Variants in CUL2 observed in about 807,000 individuals in gnomAD.
CUL2 encodes the protein cullin 2.
Under a neutral mutation model 110.2 loss-of-function variants are expected in CUL2, and 22 were observed. That is an observed-to-expected ratio of 0.20 (90% CI 0.14 to 0.28). The LOEUF (loss-of-function observed/expected upper bound fraction) is 0.28, where lower values mean the gene tolerates loss of function less well. CUL2 is among the 10% of genes least tolerant of loss of function. The probability of loss-of-function intolerance (pLI) is 1.00; values close to 1 mark genes in which losing one functional copy is unlikely to be tolerated. For synonymous variants in CUL2, 279 were observed against 293.2 expected, an observed-to-expected ratio of 0.95 and a Z score of 0.49; for missense variants, 631 against 905.5, an observed-to-expected ratio of 0.70 and a Z score of 3.89.
intron 1 of CUL2, among the ~76,000 whole-genome samples, chr10:35,087,627 T>C (rs1046322274): frequency 1.3e-5 from 2 of 152,136 alleles, no homozygotes; most frequent in Non-Finnish European, 2.9e-5. Context: ...GTACACAGCA[T>C]CATCATCCTC....
rs201471344 is a variant in CUL2 at position 35,055,569 on chromosome 10, AAATAAT to A, written c.318-1036_318-1031del. On this transcript the variant is annotated intron_variant, in intron 4 of 20. Coordinates refer to ENST00000374749, the MANE Select transcript of CUL2 (RefSeq NM_003591.4). The stretch of plus-strand genomic sequence containing the variant: ...GTAACAGCGAGACTGTCTCTTAAGG[AAATAAT>A]AATAATAACTCCTAGAAAATTGACT... Among the ~76,000 whole-genome samples the A allele has an allele frequency of 5.0e-4, 76 of 152,240 alleles. No homozygotes were observed. The East Asian group carries it at 0.013, about 26-fold the overall frequency.
At chr10:35,107,609 G>A (rs1301688380) in intron 1 of CUL2, among the ~76,000 whole-genome samples, 1 of 151,730 alleles carries the variant, frequency 6.6e-6, no homozygotes, top group Non-Finnish European at 1.5e-5. Flanking sequence ...TGGGCCTGGC[G>A]CGGTGGCTCA....
chr10:35,120,657 G>C (rs756976043), intron 1 of CUL2, among the ~76,000 whole-genome samples: 60 of 152,272 alleles, frequency 3.9e-4, no homozygotes, highest in Non-Finnish European at 6.6e-4. Flanking sequence ...AGCAATTTGA[G>C]AGGCCAAGGC....
chr10:35,039,012 A>G lies in CUL2; in HGVS notation c.785T>C (p.Val262Ala). The G allele has an allele frequency of 6.2e-7, 1 of 1,608,520 alleles. No individual in the cohort carries two copies. Among genetic ancestry groups the G allele is most frequent in the Non-Finnish European group, 8.5e-7 (1 of 1,176,050 alleles). ...CATTCGTTGTTGACATTCATGAATC[A>G]CCTTAGTATATGAACTTGGATGTAG... ...KYLHPSSYTK[V>A]IHECQQRMVA... The change falls in exon 9 of 21, where the codon GTG becomes GCG. Residue 262 changes from valine to alanine, a missense_variant. Coordinates refer to ENST00000374749, the MANE Select transcript of CUL2 (RefSeq NM_003591.4).
At chr10:35,044,013 T>G (rs1395490352) in intron 8 of CUL2, among the ~76,000 whole-genome samples, 1 of 132,592 alleles carries the variant, frequency 7.5e-6, no homozygotes, top group Non-Finnish European at 1.5e-5. Flanking sequence ...ATCAAGCCAC[T>G]GCACTCTAGT....
At chr10:35,068,426 A>T (rs1277808178) in intron 2 of CUL2, among the ~76,000 whole-genome samples, 2 of 151,396 alleles carry the variant, frequency 1.3e-5, no homozygotes, top group East Asian at 3.9e-4. Context: ...TATGTCTAAT[A>T]AAAAAAAAGA....
intron 2 of CUL2, among the ~76,000 whole-genome samples, chr10:35,097,577 T>C (rs2087317145): frequency 6.6e-6 from 1 of 151,766 alleles, no homozygotes; most frequent in African/African-American, 2.4e-5. Flanking sequence ...ATTAACAATG[T>C]ACCCTTGGCA....
chr10:35,069,720 T>C (rs965016788), intron 2 of CUL2, among the ~76,000 whole-genome samples: 7 of 152,090 alleles, frequency 4.6e-5, no homozygotes, highest in Non-Finnish European at 8.8e-5. Context: ...GAAGAACACA[T>C]TTTAATTATT....
At chr10:35,081,344 T>A (rs1461767200) in intron 1 of CUL2, among the ~76,000 whole-genome samples, 1 of 152,214 alleles carries the variant, frequency 6.6e-6, no homozygotes, top group Non-Finnish European at 1.5e-5. Context: ...TTTCTTAAGT[T>A]TTCACATCGC....
intron 1 of CUL2, among the ~76,000 whole-genome samples, chr10:35,072,634 C>T (rs1330714450): frequency 6.6e-6 from 1 of 152,212 alleles, no homozygotes; most frequent in Non-Finnish European, 1.5e-5. Flanking sequence ...TCCCAAAGTG[C>T]AGGGATTACA....
intron 6 of CUL2, among the ~76,000 whole-genome samples, chr10:35,046,574 A>G (rs955595663): frequency 2.6e-5 from 4 of 152,206 alleles, no homozygotes; most frequent in Non-Finnish European, 5.9e-5. Flanking sequence ...TAAGGATGAC[A>G]GCAAACCAAC....
At chr10:35,112,987 A>G (rs556953698) in intron 1 of CUL2, among the ~76,000 whole-genome samples, 33 of 151,862 alleles carry the variant, frequency 2.2e-4, no homozygotes, top group African/African-American at 8.0e-4. Flanking sequence ...AGGTCAGGAG[A>G]TGGAGACCAT....
At chr10:35,014,284 G>C (rs889101061) in intron 18 of CUL2, among the ~76,000 whole-genome samples, 2 of 152,134 alleles carry the variant, frequency 1.3e-5, no homozygotes, top group Admixed American at 6.5e-5. Flanking sequence ...GCATCAATTT[G>C]CTGTGACCTG....
intron 12 of CUL2, 127 bp downstream of exon 12, chr10:35,032,308 A>G (rs1335574111): frequency 1.2e-5 from 9 of 747,236 alleles, no homozygotes; most frequent in Non-Finnish European, 2.0e-5. Flanking sequence ...ACTATATACA[A>G]TGTAGATAAT....
intron 14 of CUL2, among the ~76,000 whole-genome samples, chr10:35,029,980 T>C (rs1257792070): frequency 6.6e-6 from 1 of 152,214 alleles, no homozygotes; most frequent in East Asian, 1.9e-4. Flanking sequence ...GGATTTTATG[T>C]TGTGTTTTGT....
chr10:35,103,055 T>C (rs2087405028), intron 1 of CUL2, among the ~76,000 whole-genome samples: 1 of 152,170 alleles, frequency 6.6e-6, no homozygotes. Context: ...TTTCATTGTG[T>C]CCAATCTGTT....
chr10:35,106,951 G>GT (rs111245197), intron 1 of CUL2, among the ~76,000 whole-genome samples: 44,561 of 150,352 alleles, frequency 0.3, 7,253 homozygotes, highest in Non-Finnish European at 0.36. Flanking sequence ...CCCTTAACCT[G>GT]TTTTTTTTTG....
At chr10:35,016,610 T>A (rs1472359407) in intron 17 of CUL2, among the ~76,000 whole-genome samples, 1 of 152,140 alleles carries the variant, frequency 6.6e-6, no homozygotes, top group Non-Finnish European at 1.5e-5. Flanking sequence ...AGTAAAACTA[T>A]CATAACTTCA....
intron 1 of CUL2, among the ~76,000 whole-genome samples, chr10:35,086,031 A>T (rs1180707464): frequency 1.3e-5 from 2 of 151,904 alleles, no homozygotes; most frequent in African/African-American, 4.8e-5. Flanking sequence ...AAAATAAAGA[A>T]ACAAGCAGCC....
Sources: allele counts gnomAD v4.1 joint callset (sites outside exome capture counted in the v4.1 genomes callset), GRCh38; gene constraint gnomAD v4.1.1; transcripts MANE v1.5; gene names NCBI Gene and HGNC (gene_info 2026-07-23, HGNC 2026-07-21).